The following TJP1 variants were observed in gnomAD, a reference collection of about 807,000 sequenced individuals.
The protein encoded by TJP1 is tight junction protein ZO-1.
Under a neutral mutation model 194.2 loss-of-function variants are expected in TJP1, and 43 were observed. That is an observed-to-expected ratio of 0.22 (90% confidence interval 0.17 to 0.29). The LOEUF (loss-of-function observed/expected upper bound fraction) is 0.29, where lower values mean the gene tolerates loss of function less well. TJP1 is among the 10% of genes least tolerant of loss of function. The pLI is 1.00. For missense variants in TJP1, 1,971 were observed against 2,185.7 expected (o/e 0.90, Z 1.96); for synonymous variants, 801 against 779.0 (o/e 1.03, Z -0.47).
At chr15:29,848,435 T>C (rs2051503744) in intron 2 of TJP1, among the ~76,000 whole-genome samples, 1 of 152,252 alleles carries the variant, frequency 6.6e-6, no homozygotes, top group Non-Finnish European at 1.5e-5. Context: ...TCAGTTATAT[T>C]AAGCATATCT....
At chr15:29,915,590 C>T (rs1184693037) in intron 2 of TJP1, among the ~76,000 whole-genome samples, 2 of 152,144 alleles carry the variant, frequency 1.3e-5, no homozygotes, top group Non-Finnish European at 2.9e-5. Flanking sequence ...AGATTTAAAC[C>T]TTAACCATTG....
intron 2 of TJP1, among the ~76,000 whole-genome samples, chr15:29,948,668 G>C (rs1410452347): frequency 6.6e-6 from 1 of 152,136 alleles, no homozygotes; most frequent in African/African-American, 2.4e-5. Context: ...ACGCAGAGGA[G>C]GGGAGATGCA....
At chr15:29,824,600 A>C (rs925352429), upstream of TJP1, among the ~76,000 whole-genome samples, 8 of 152,192 alleles carry the variant, frequency 5.3e-5, no homozygotes, top group African/African-American at 1.9e-4. Context: ...CTTCATATGC[A>C]AACACCATTT....
At chr15:29,763,356 C>T (rs2046127831) in intron 5 of TJP1, among the ~76,000 whole-genome samples, 1 of 152,100 alleles carries the variant, frequency 6.6e-6, no homozygotes, top group Non-Finnish European at 1.5e-5. Flanking sequence ...AAGGATTGCC[C>T]CTGGTTCTGT....
chr15:29,736,339 G>C (rs1295838505), intron 11 of TJP1, among the ~76,000 whole-genome samples: 1 of 152,214 alleles, frequency 6.6e-6, no homozygotes, highest in Non-Finnish European at 1.5e-5. Flanking sequence ...TGAAGAACCA[G>C]TGGAGAGAGA....
intron 2 of TJP1, among the ~76,000 whole-genome samples, chr15:29,908,308 A>T (rs1258869640): frequency 1.3e-5 from 2 of 152,186 alleles, no homozygotes; most frequent in African/African-American, 4.8e-5. Context: ...AGAAGACTTG[A>T]GAAAGTGTAA....
At chr15:29,939,046 T>C (rs1259026232) in intron 2 of TJP1, among the ~76,000 whole-genome samples, 2 of 152,216 alleles carry the variant, frequency 1.3e-5, no homozygotes, top group Admixed American at 6.5e-5. Flanking sequence ...GATACCTTTT[T>C]CCCAGGCTCA....
At chr15:29,935,693 G>C (rs1185758477) in intron 2 of TJP1, among the ~76,000 whole-genome samples, 1 of 152,046 alleles carries the variant, frequency 6.6e-6, no homozygotes, top group Non-Finnish European at 1.5e-5. Flanking sequence ...CAAGGCTCTT[G>C]TGTTGCACAA....
intron 2 of TJP1, among the ~76,000 whole-genome samples, chr15:29,848,416 T>C (rs2051503239): frequency 6.6e-6 from 1 of 152,260 alleles, no homozygotes; most frequent in African/African-American, 2.4e-5. Context: ...AACATTTATA[T>C]TTTAAGTATC....
intron 2 of TJP1, among the ~76,000 whole-genome samples, chr15:29,881,299 A>G (rs1313300153): frequency 6.6e-6 from 1 of 152,002 alleles, no homozygotes; most frequent in Non-Finnish European, 1.5e-5. Flanking sequence ...GGTTATTTGT[A>G]TTTTTCCTAT....
intron 18 of TJP1, among the ~76,000 whole-genome samples, chr15:29,722,584 G>A (rs2042997180): frequency 6.6e-6 from 1 of 152,196 alleles, no homozygotes. Context: ...GCACCTCCAG[G>A]GCAGTGTGGA....
intron 1 of TJP1, among the ~76,000 whole-genome samples, chr15:29,964,070 C>T (rs1268017600): frequency 6.6e-6 from 1 of 152,190 alleles, no homozygotes; most frequent in African/African-American, 2.4e-5. Flanking sequence ...GTGCCTCATA[C>T]CTGCAGAACA....
At chr15:29,950,031 T>C (rs62649079) in intron 2 of TJP1, among the ~76,000 whole-genome samples, 271 of 4,864 alleles carry the variant, frequency 0.056, no homozygotes, top group Non-Finnish European at 0.065. Flanking sequence ...ACCTCCACCT[T>C]CACCACCACC....
At chr15:29,922,984 C>CA (rs1471710336) in intron 2 of TJP1, among the ~76,000 whole-genome samples, 1 of 152,026 alleles carries the variant, frequency 6.6e-6, no homozygotes, top group Admixed American at 6.6e-5. Flanking sequence ...CTGAACAGTG[C>CA]AAAAAATGCT....
chr15:29,879,651 C>T (rs989795344), intron 2 of TJP1, among the ~76,000 whole-genome samples: 6 of 152,124 alleles, frequency 3.9e-5, no homozygotes, highest in African/African-American at 1.4e-4. Context: ...CACCTGGTAC[C>T]ATAGTGATGG....
intron 1 of TJP1, among the ~76,000 whole-genome samples, chr15:29,805,636 A>G (rs1451717836): frequency 6.6e-6 from 1 of 151,524 alleles, no homozygotes; most frequent in Admixed American, 6.6e-5. Flanking sequence ...GAAGCAGCTG[A>G]GAACACTAAA....
At chr15:29,826,467 G>A (rs1335014978), upstream of TJP1, among the ~76,000 whole-genome samples, 3 of 152,028 alleles carry the variant, frequency 2.0e-5, no homozygotes, top group African/African-American at 7.2e-5. Context: ...TCCCTCCCCA[G>A]CCCAGGCAAA....
chr15:29,886,193 T>C (rs1439344708), intron 2 of TJP1, among the ~76,000 whole-genome samples: 1 of 152,216 alleles, frequency 6.6e-6, no homozygotes, highest in Non-Finnish European at 1.5e-5. Context: ...TATCAAAACA[T>C]ATTGTTTAAG....
intron 2 of TJP1, among the ~76,000 whole-genome samples, chr15:29,942,274 G>A (rs1023585464): frequency 9.2e-5 from 14 of 152,178 alleles, no homozygotes; most frequent in South Asian, 2.1e-4. Context: ...AGAGATGAGA[G>A]ATGATGGCAC....
Sources: allele counts gnomAD v4.1 joint callset (sites outside exome capture counted in the v4.1 genomes callset), GRCh38; gene constraint gnomAD v4.1.1; transcripts MANE v1.5; gene names NCBI Gene and HGNC (gene_info 2026-07-23, HGNC 2026-07-21).